The following RAD54L variants were observed in gnomAD, a reference collection of about 807,000 sequenced individuals.
RAD54L encodes the protein DNA repair and recombination protein RAD54-like.
A neutral mutation model predicts 91.6 loss-of-function variants in RAD54L; 74 were observed. The observed-to-expected ratio is 0.81, with a 90% CI of 0.67 to 0.98. The LOEUF (loss-of-function observed/expected upper bound fraction) is 0.98. Ranked by LOEUF, RAD54L falls within the 50% of genes least tolerant of loss-of-function variation. The pLI, the probability that RAD54L is intolerant of heterozygous loss-of-function variation, is 0.00. For synonymous variants in RAD54L, 304 were observed against 349.7 expected (o/e 0.87, Z 1.46); for missense variants, 887 against 945.7 (o/e 0.94, Z 0.81).
intron 15 of RAD54L, 147 bp downstream of exon 15, chr1:46,274,363 G>T: frequency 7.8e-7 from 1 of 1,276,530 alleles, no homozygotes; most frequent in East Asian, 2.3e-5. Context: ...GGTGATGGCT[G>T]GGCTGGAAAC....
At chr1:46,251,897 C>T (rs554381154) in intron 3 of RAD54L, among the ~76,000 whole-genome samples, 3 of 152,152 alleles carry the variant, frequency 2.0e-5, no homozygotes, top group South Asian at 2.1e-4. Context: ...GGTGACAGAG[C>T]GAGACCCCGT....
intron 14 of RAD54L, 137 bp from the exon 15 acceptor site, chr1:46,274,001 A>G: frequency 2.9e-6 from 3 of 1,020,336 alleles, no homozygotes; most frequent in Non-Finnish European, 4.4e-6. Context: ...GGCCTCAAGC[A>G]TGGTTATTTC....
chr1:46,273,743 C>G lies in RAD54L; in HGVS notation c.1606C>G (p.Arg536Gly). Reference sequence around the variant, plus strand: ...TCTCTTTGAGAAGCTGTGCCGTGCCCGAAGGTAGGGAAGATCCTAACCAGG... The same window carrying G: ...TCTCTTTGAGAAGCTGTGCCGTGCCGGAAGGTAGGGAAGATCCTAACCAGG... ...LDLFEKLCRA[R>G]RYLYVRLDGT... is the part of the protein sequence containing the mutation. The change falls in exon 14 of 18, where the codon CGA becomes GGA. Residue 536 changes from arginine to glycine, a missense_variant. Physicochemically the swap from Arg to Gly is moderately radical, Grantham distance 125 (BLOSUM62 -2). Coordinates refer to ENST00000371975, the MANE Select transcript of RAD54L (RefSeq NM_003579.4). 6.2e-7 allele frequency: 1 copy of G among 1,605,288 alleles called. No individual in the cohort carries two copies. The highest frequency in any genetic ancestry group is 8.5e-7 in the Non-Finnish European group (1 of 1,175,552).
intron 9 of RAD54L, among the ~76,000 whole-genome samples, chr1:46,269,374 T>C (rs1660358388): frequency 6.6e-6 from 1 of 151,348 alleles, no homozygotes; most frequent in African/African-American, 2.4e-5. Flanking sequence ...AGTGGTGAGA[T>C]CATGGCTCAC....
Position 46,250,019 on chromosome 1 carries a change from C to T in RAD54L, c.110C>T (p.Ser37Phe). 1 of 1,614,098 alleles carries T rather than the reference C, an allele frequency of 6.2e-7. No homozygotes were observed. The highest frequency in any genetic ancestry group is 8.5e-7 in the Non-Finnish European group (1 of 1,179,950). The change falls in exon 3 of 18, where the codon TCC becomes TTC. Residue 37 changes from serine to phenylalanine, a missense_variant. Physicochemically the swap from Ser to Phe is radical, Grantham distance 155. Coordinates refer to ENST00000371975, the MANE Select transcript of RAD54L (RefSeq NM_003579.4). ...TCCTAGACTCCTAGGAAACGGAAAT[C>T]CAGCAGTGAGACCCAGATCCAGGAG... is the stretch of plus-strand genomic sequence containing the variant. The part of the protein sequence containing the change: ...PGLVTPRKRK[S>F]SSETQIQECF...
chr1:46,277,724 G>A, intron 16 of RAD54L, 93 bp from the exon 17 acceptor site: 1 of 1,392,714 alleles, frequency 7.2e-7, no homozygotes, highest in African/African-American at 1.4e-5. Context: ...TTCTCGGGTA[G>A]CTGTAGTTTC....
intron 8 of RAD54L, 104 bp from the exon 9 acceptor site, chr1:46,267,355 C>A: frequency 6.7e-7 from 1 of 1,502,796 alleles, no homozygotes; most frequent in Non-Finnish European, 9.2e-7. Flanking sequence ...TGAGCCACGG[C>A]GCCCGGCCTG....
chr1:46,274,761 C>T (rs752068444), intron 16 of RAD54L, 44 bp downstream of exon 16: 12 of 1,609,792 alleles, frequency 7.5e-6, no homozygotes, highest in South Asian at 3.3e-5. Context: ...GGTCATGGAA[C>T]GAGATCTTCA....
At chr1:46,269,939 C>CA (rs923287528) in intron 9 of RAD54L, among the ~76,000 whole-genome samples, 10 of 151,342 alleles carry the variant, frequency 6.6e-5, no homozygotes, top group East Asian at 1.9e-4. Flanking sequence ...CCCATCTCTA[C>CA]AAAAAAAATA....
rs1660524854 is a variant in RAD54L at position 46,274,187 on chromosome 1, A to G, written c.1660A>G (p.Lys554Glu). 4 of 1,613,862 alleles carry G rather than the reference A, an allele frequency of 2.5e-6. No homozygotes were observed. The highest frequency in any genetic ancestry group is 1.7e-5 in the Admixed American group (1 of 60,026). ...CACGATGTCCATTAAGAAGCGAGCC[A>G]AGGTTGTAGAACGCTTCAATAGTCC... is the stretch of plus-strand genomic sequence containing the variant. ...DGTMSIKKRAKVVERFNSPSS... is the reference protein window; with the variant it reads ...DGTMSIKKRAEVVERFNSPSS... The change falls in exon 15 of 18, where the codon AAG (lysine) becomes GAG (glutamate). Residue 554 changes from lysine (K) to glutamate (E), a missense_variant. Transcript: ENST00000371975.
At chr1:46,270,919 G>A in intron 10 of RAD54L, 134 bp downstream of exon 10, 1 of 1,196,992 alleles carries the variant, frequency 8.4e-7, no homozygotes, top group South Asian at 1.3e-5. Flanking sequence ...CCTAACTATG[G>A]CCACTGAATA....
Position 46,248,236 on chromosome 1 carries a change from C to G in RAD54L, c.-170C>G, listed in dbSNP as rs974843085. 44 of 859,306 alleles carry G rather than the reference C, an allele frequency of 5.1e-5. No homozygotes were observed. Among genetic ancestry groups the G allele is most frequent in the Admixed American group, 2.4e-4 (12 of 49,628 alleles). 53.2% of individuals were successfully genotyped at this position (859,306 alleles called of 1,614,324 possible). A position where few individuals can be genotyped will look rare whatever the true frequency, so the allele number is the denominator to read the frequency against. ...ACTCTCACAGTTTGGTTCCAAACAC[C>G]AGTTCCTGGATGGATTCCCGCCATC... On this transcript the variant is annotated 5_prime_UTR_variant, in exon 1 of 18. Transcript: ENST00000371975.
In RAD54L at chr1:46,260,708, G is replaced by A; in HGVS notation, c.478-19G>A. On this transcript the variant is annotated intron_variant, in intron 6 of 17. Coordinates refer to ENST00000371975, the MANE Select transcript of RAD54L (RefSeq NM_003579.4). ...AGCAGCGTAGGTGCCAAAGTGGACT[G>A]AAGGCTGTTATTCTCTAGGGAGTGA... 1 of 1,614,210 alleles carries A rather than the reference G, an allele frequency of 6.2e-7. No homozygotes were observed.
Position 46,260,076 on chromosome 1 carries a change from T to C in RAD54L, c.384T>C (p.Ala128=). 6.2e-7 allele frequency: 1 copy of C among 1,614,230 alleles called. No homozygotes were observed. Among genetic ancestry groups the C allele is most frequent in the Non-Finnish European group, 8.5e-7 (1 of 1,180,046 alleles). The part of the protein sequence containing the change: ...LVLYEPPPLS[A]HDQLKLDKEK... ...TGTATGAGCCTCCCCCGCTGAGCGC[T>C]CATGACCAGCTGAAGCTTGACAAGT... The change falls in exon 5 of 18, where the codon GCT becomes GCC. Residue 128 remains alanine, a synonymous_variant. Transcript: ENST00000371975.
At chr1:46,270,141 G>A (rs111509525) in intron 9 of RAD54L, among the ~76,000 whole-genome samples, 4 of 151,934 alleles carry the variant, frequency 2.6e-5, no homozygotes, top group African/African-American at 7.3e-5. Flanking sequence ...AGGCTGAGGC[G>A]GGCAGATCGC....
intron 16 of RAD54L, among the ~76,000 whole-genome samples, chr1:46,275,781 C>G (rs1260417914): frequency 1.3e-5 from 2 of 152,110 alleles, no homozygotes; most frequent in African/African-American, 4.8e-5. Context: ...ATTGCCAAAA[C>G]AGGAGACTAT....
chr1:46,249,080 T>C (rs76221712), intron 2 of RAD54L, among the ~76,000 whole-genome samples: 277 of 152,308 alleles, frequency 1.8e-3, no homozygotes, highest in African/African-American at 6.3e-3. Context: ...CTCTGCTTCC[T>C]GTTTTGGAGG....
Position 46,278,415 on chromosome 1 carries a change from ATTTAT to A in RAD54L, c.*139_*143del, listed in dbSNP as rs1380473278. 9.3e-7 allele frequency: 1 copy of A among 1,078,586 alleles called. No individual in the cohort carries two copies. Among genetic ancestry groups the A allele is most frequent in the African/African-American group, 1.6e-5 (1 of 62,468 alleles). The allele number at this position is 1,078,586 out of a possible 1,614,324, so 66.8% of individuals were successfully genotyped here. A position where few individuals can be genotyped will look rare whatever the true frequency, so the allele number is the denominator to read the frequency against. ...AAGGGCTGCATGATGTTTGCCCAAA[ATTTAT>A]TTTATAAGAAAAACTTTTTTGGTTA... On this transcript the variant is annotated 3_prime_UTR_variant, in exon 18 of 18. Coordinates refer to ENST00000371975, the MANE Select transcript of RAD54L (RefSeq NM_003579.4).
intron 3 of RAD54L, among the ~76,000 whole-genome samples, chr1:46,251,490 CT>C (rs1329977548): frequency 2.6e-5 from 4 of 152,140 alleles, no homozygotes; most frequent in African/African-American, 9.7e-5. Context: ...TATCCATCAT[CT>C]TTTGCTTTTA....
Sources: gnomAD v4.1 joint callset for allele counts (sites outside exome capture counted in the v4.1 genomes callset) on GRCh38, gnomAD v4.1.1 for gene constraint, MANE v1.5 for transcripts, NCBI Gene and HGNC (gene_info 2026-07-23, HGNC 2026-07-21) for gene names.